Variants in BARX2 observed in about 807,000 individuals in gnomAD.
The protein encoded by BARX2 is homeobox protein BarH-like 2.
A neutral mutation model predicts 25.5 loss-of-function variants in BARX2; 11 were observed. That is an observed-to-expected ratio of 0.43 (90% CI 0.27 to 0.71). The LOEUF is 0.71. Ranked by LOEUF, BARX2 falls within the 30% of genes least tolerant of loss-of-function variation. The pLI, the probability that BARX2 is intolerant of heterozygous loss-of-function variation, is 0.19. For synonymous variants in BARX2, 137 were observed against 149.5 expected (o/e 0.92, Z 0.61); for missense variants, 360 against 359.9 (o/e 1.00, Z 0.00).
chr11:129,424,102 C>T (rs1261826197), intron 1 of BARX2, among the ~76,000 whole-genome samples: 1 of 152,224 alleles, frequency 6.6e-6, no homozygotes, highest in Non-Finnish European at 1.5e-5. Flanking sequence ...CCCACCTTGG[C>T]CTCCCAAAGT....
At chr11:129,448,067 G>C (rs562875831) in intron 3 of BARX2, among the ~76,000 whole-genome samples, 44 of 152,342 alleles carry the variant, frequency 2.9e-4, no homozygotes, top group African/African-American at 8.4e-4. Flanking sequence ...GGAAAGGACA[G>C]TGGTTGAGCA....
intron 3 of BARX2, among the ~76,000 whole-genome samples, chr11:129,450,220 C>T (rs928463609): frequency 6.6e-6 from 1 of 152,190 alleles, no homozygotes; most frequent in Non-Finnish European, 1.5e-5. Flanking sequence ...TGTACTACTT[C>T]TTCGAACGCT....
At chr11:129,394,373 C>T (rs1044350013) in intron 1 of BARX2, among the ~76,000 whole-genome samples, 6 of 152,158 alleles carry the variant, frequency 3.9e-5, no homozygotes, top group African/African-American at 1.4e-4. Context: ...GGAGGACTCA[C>T]TTAAGTGAAA....
intron 1 of BARX2, among the ~76,000 whole-genome samples, chr11:129,417,091 T>C (rs1861952522): frequency 6.6e-6 from 1 of 151,902 alleles, no homozygotes; most frequent in African/African-American, 2.4e-5. Flanking sequence ...TTAGTAGAGA[T>C]GGGGTTTCAC....
At chr11:129,391,924 A>T (rs1050555484) in intron 1 of BARX2, among the ~76,000 whole-genome samples, 3 of 152,282 alleles carry the variant, frequency 2.0e-5, no homozygotes, top group Non-Finnish European at 2.9e-5. Context: ...ATGACAGTTT[A>T]TATGCTTCTT....
intron 1 of BARX2, among the ~76,000 whole-genome samples, chr11:129,412,850 G>A (rs1861904198): frequency 6.6e-6 from 1 of 152,190 alleles, no homozygotes; most frequent in African/African-American, 2.4e-5. Flanking sequence ...CCAATGATGT[G>A]TCTGGCCCTA....
intron 1 of BARX2, among the ~76,000 whole-genome samples, chr11:129,421,756 A>G (rs991108422): frequency 2.0e-5 from 3 of 151,770 alleles, no homozygotes; most frequent in Non-Finnish European, 4.4e-5. Flanking sequence ...GCTTGTCCTT[A>G]CTCTGTGGAA....
chr11:129,445,337 A>AATCT (rs1410812330), intron 3 of BARX2, among the ~76,000 whole-genome samples: 2 of 152,242 alleles, frequency 1.3e-5, no homozygotes, highest in African/African-American at 4.8e-5. Flanking sequence ...GGTTATCAGC[A>AATCT]ATCTTTTCGT....
At chr11:129,383,121 G>A (rs73567400) in intron 1 of BARX2, among the ~76,000 whole-genome samples, 44 of 152,302 alleles carry the variant, frequency 2.9e-4, no homozygotes, top group African/African-American at 9.1e-4. Flanking sequence ...AGGAAGAGAG[G>A]TGTTTTGTTT....
At chr11:129,432,156 G>A (rs1373129324) in intron 1 of BARX2, among the ~76,000 whole-genome samples, 3 of 151,982 alleles carry the variant, frequency 2.0e-5, no homozygotes, top group South Asian at 2.1e-4. Flanking sequence ...TCCGCCTCCC[G>A]GGTTCAAGGG....
intron 1 of BARX2, among the ~76,000 whole-genome samples, chr11:129,432,343 T>C (rs150418181): frequency 0.03 from 4,493 of 152,292 alleles, 226 homozygotes; most frequent in African/African-American, 0.1. Flanking sequence ...ATTACAGGTG[T>C]GAGCCACCAC....
At chr11:129,384,639 T>C (rs1861601368) in intron 1 of BARX2, among the ~76,000 whole-genome samples, 1 of 152,258 alleles carries the variant, frequency 6.6e-6, no homozygotes, top group Non-Finnish European at 1.5e-5. Flanking sequence ...AATGGAATGC[T>C]GATATTGCAT....
At chr11:129,414,948 G>A (rs1221800104) in intron 1 of BARX2, among the ~76,000 whole-genome samples, 1 of 152,206 alleles carries the variant, frequency 6.6e-6, no homozygotes, top group Non-Finnish European at 1.5e-5. Context: ...TGTTCTTTTT[G>A]GCTCTAGGCA....
chr11:129,405,300 G>C (rs1345268129), intron 1 of BARX2, among the ~76,000 whole-genome samples: 1 of 152,192 alleles, frequency 6.6e-6, no homozygotes, highest in Admixed American at 6.5e-5. Flanking sequence ...TGATGATAGA[G>C]TTTGCAAGTC....
chr11:129,392,839 G>A (rs975828687), intron 1 of BARX2, among the ~76,000 whole-genome samples: 1 of 152,028 alleles, frequency 6.6e-6, no homozygotes, highest in Non-Finnish European at 1.5e-5. Context: ...TTGAACTCTT[G>A]GCCTCAAGCG....
intron 1 of BARX2, among the ~76,000 whole-genome samples, chr11:129,421,815 T>G (rs1428619385): frequency 6.6e-6 from 1 of 152,224 alleles, no homozygotes; most frequent in Admixed American, 6.5e-5. Context: ...CCTTTTCCTC[T>G]ATTTTCTCTA....
At chr11:129,377,978 C>T (rs977973954) in intron 1 of BARX2, among the ~76,000 whole-genome samples, 2 of 152,102 alleles carry the variant, frequency 1.3e-5, no homozygotes, top group Non-Finnish European at 1.5e-5. Flanking sequence ...GAGTAAGTGT[C>T]GTGTTTTATT....
intron 1 of BARX2, among the ~76,000 whole-genome samples, chr11:129,414,527 C>G (rs1415307445): frequency 2.0e-5 from 3 of 152,014 alleles, no homozygotes; most frequent in African/African-American, 7.2e-5. Context: ...AGGCCGTTCT[C>G]TACTGGATGA....
intron 1 of BARX2, among the ~76,000 whole-genome samples, chr11:129,404,324 G>A (rs573077006): frequency 2.8e-4 from 43 of 152,332 alleles, no homozygotes; most frequent in Non-Finnish European, 4.9e-4. Flanking sequence ...TGTCTCATGC[G>A]CCAACCAAAA....
Sources: gnomAD v4.1 joint callset for allele counts (sites outside exome capture counted in the v4.1 genomes callset) on GRCh38, gnomAD v4.1.1 for gene constraint, MANE v1.5 for transcripts, NCBI Gene and HGNC (gene_info 2026-07-23, HGNC 2026-07-21) for gene names.